Variants in CMIP observed in about 807,000 individuals in gnomAD.
CMIP encodes the protein c-Maf inducing protein, also known as C-Maf-inducing protein.
In CMIP, 13 loss-of-function variants were observed where a neutral mutation model predicts 97.3. The ratio of observed to expected loss-of-function variants is 0.13; its 90% CI spans 0.09 to 0.21. The LOEUF is 0.21. Among genes scored for constraint, CMIP ranks in the 10% least tolerant of loss-of-function variants. The pLI, the probability that CMIP is intolerant of heterozygous loss-of-function variation, is 1.00. For missense variants in CMIP, 847 were observed against 1,024.9 expected (o/e 0.83, Z 2.37); for synonymous variants, 538 against 436.3 (o/e 1.23, Z -2.91).
chr16:81,531,952 G>A (rs112970555), intron 1 of CMIP, among the ~76,000 whole-genome samples: 118 of 152,354 alleles, frequency 7.7e-4, no homozygotes, highest in African/African-American at 2.2e-3. Context: ...TAAATGAAAT[G>A]ATTGCACTGC....
At chr16:81,504,500 G>A (rs759116138) in intron 1 of CMIP, among the ~76,000 whole-genome samples, 25 of 149,820 alleles carry the variant, frequency 1.7e-4, no homozygotes, top group Non-Finnish European at 3.1e-4. Context: ...AAAATTAGCC[G>A]GGTGTAGTAG....
chr16:81,535,110 C>A (rs900256281), intron 1 of CMIP, among the ~76,000 whole-genome samples: 1 of 152,084 alleles, frequency 6.6e-6, no homozygotes, highest in African/African-American at 2.4e-5. Flanking sequence ...GCCACCATGC[C>A]CAGCTAATTT....
At chr16:81,646,037 T>C (rs1213608646) in intron 3 of CMIP, among the ~76,000 whole-genome samples, 3 of 151,466 alleles carry the variant, frequency 2.0e-5, no homozygotes, top group African/African-American at 7.3e-5. Flanking sequence ...GATGATTGGA[T>C]GGAAGGGTGA....
chr16:81,465,607 C>G (rs758620552), intron 1 of CMIP, among the ~76,000 whole-genome samples: 1 of 152,212 alleles, frequency 6.6e-6, no homozygotes, highest in Non-Finnish European at 1.5e-5. Context: ...AAGAAATGAT[C>G]GATTGAATGA....
At chr16:81,632,660 C>T (rs1055242515) in intron 3 of CMIP, among the ~76,000 whole-genome samples, 2 of 152,220 alleles carry the variant, frequency 1.3e-5, no homozygotes, top group African/African-American at 2.4e-5. Context: ...GCTGCCCAGG[C>T]CTCGCAGCCC....
At chr16:81,708,104 C>G (rs1432465411) in intron 20 of CMIP, among the ~76,000 whole-genome samples, 1 of 152,252 alleles carries the variant, frequency 6.6e-6, no homozygotes, top group Non-Finnish European at 1.5e-5. Context: ...GATAGTCCCT[C>G]CTGGCAGGCA....
chr16:81,667,799 A>AGAGAGAGAGAGAGAGAGAGGGTGTGT, intron 7 of CMIP, among the ~76,000 whole-genome samples: 1 of 58,096 alleles, frequency 1.7e-5, no homozygotes, highest in Non-Finnish European at 3.2e-5. Flanking sequence ...AGAGAGAGAG[A>AGAGAGAGAGAGAGAGAGAGGGTGTGT]GTGTGTGTGT....
chr16:81,671,889 C>A (rs1296656461), intron 8 of CMIP, 77 bp from the exon 9 acceptor site: 2 of 710,658 alleles, frequency 2.8e-6, no homozygotes, highest in Non-Finnish European at 2.4e-6. Flanking sequence ...TGAGCAACGC[C>A]CTCCCTTTCC....
intron 1 of CMIP, among the ~76,000 whole-genome samples, chr16:81,509,407 A>T (rs913164682): frequency 6.6e-6 from 1 of 152,080 alleles, no homozygotes; most frequent in African/African-American, 2.4e-5. Context: ...CATTGGTGGG[A>T]GTTTGGCTTT....
intron 1 of CMIP, among the ~76,000 whole-genome samples, chr16:81,602,981 C>T (rs947946311): frequency 6.6e-6 from 1 of 152,212 alleles, no homozygotes; most frequent in African/African-American, 2.4e-5. Flanking sequence ...GGAACAGCAG[C>T]GTTCAGAGGC....
chr16:81,634,914 A>G (rs1368092461), intron 3 of CMIP, among the ~76,000 whole-genome samples: 1 of 152,162 alleles, frequency 6.6e-6, no homozygotes, highest in Non-Finnish European at 1.5e-5. Context: ...CCCTGTTGAG[A>G]TGCTACCGTC....
chr16:81,669,757 C>G (rs1314828966), intron 7 of CMIP, among the ~76,000 whole-genome samples: 5 of 151,560 alleles, frequency 3.3e-5, no homozygotes, highest in African/African-American at 7.3e-5. Context: ...CTCTCTTCTC[C>G]TTCCACACCC....
Position 81,701,669 on chromosome 16 carries a change from T to A in CMIP, c.1765T>A (p.Leu589Met). Residue 589 changes from leucine to methionine, a missense_variant, in exon 16 of 21, where the codon TTG becomes ATG. This residue lies in a region of CMIP where 266 missense variants were observed against 384.2 expected (regional missense o/e 0.69). Coordinates refer to ENST00000537098, the MANE Select transcript of CMIP (RefSeq NM_198390.3). Reference sequence around the variant, plus strand: ...CTGCGGTTCTGGACAGATCCTGTGCTTGATGCTGGAATACAACATCATCGA... The same window carrying A: ...CTGCGGTTCTGGACAGATCCTGTGCATGATGCTGGAATACAACATCATCGA... ...GNQTMVEILC[L>M]MLEYNIIDNN... is the part of the protein sequence containing the mutation. 1 of 1,613,882 alleles carries A rather than the reference T, an allele frequency of 6.2e-7. No homozygotes were observed. Among genetic ancestry groups the A allele is most frequent in the East Asian group, 2.2e-5 (1 of 44,800 alleles).
Position 81,561,992 on chromosome 16 carries a change from C to G in CMIP, c.301-45575C>G, listed in dbSNP as rs12925699. ...TGAGAGAGAAGGCTGATAAATACCT[C>G]GGGCAGAGGACATGACAGTGGTCGG... is the stretch of plus-strand genomic sequence containing the variant. On this transcript the variant is annotated intron_variant, in intron 1 of 20. Transcript: ENST00000537098. Among the ~76,000 whole-genome samples, 623 of 151,968 alleles carry G rather than the reference C, an allele frequency of 4.1e-3. 8 individuals are homozygous for G. Among genetic ancestry groups the G allele is most frequent in the African/African-American group, 0.014 (576 of 41,442 alleles).
At chr16:81,567,131 G>A (rs942726118) in intron 1 of CMIP, among the ~76,000 whole-genome samples, 3 of 152,266 alleles carry the variant, frequency 2.0e-5, no homozygotes, top group Admixed American at 2.0e-4. Flanking sequence ...CAGCCATACA[G>A]TTTCTGTGGA....
intron 1 of CMIP, among the ~76,000 whole-genome samples, chr16:81,597,862 C>G (rs376030498): frequency 1.5e-4 from 23 of 152,102 alleles, no homozygotes; most frequent in African/African-American, 4.8e-4. Context: ...GTCTCCCCCC[C>G]AGCTTGATGG....
rs1488663831 is a variant in CMIP at position 81,614,725 on chromosome 16, A to C, written c.427-6151A>C. 2.0e-5 allele frequency among the ~76,000 whole-genome samples: 3 copies of C among 150,656 alleles called. No individual in the cohort carries two copies. The highest frequency in any genetic ancestry group is 7.3e-5 in the African/African-American group (3 of 40,870). ...GGTATGTCTGCATGTGTGTGCGTAC[A>C]CATGTGTGTCTCTGTGAGTGTGTAT... is the stretch of plus-strand genomic sequence containing the variant. On this transcript the variant is annotated intron_variant, in intron 2 of 20. Transcript: ENST00000537098. The surrounding 1 kb of genome is among the most constrained non-coding windows in gnomAD (Gnocchi z 5.3).
At chr16:81,474,240 G>C (rs1460332658) in intron 1 of CMIP, among the ~76,000 whole-genome samples, 1 of 152,072 alleles carries the variant, frequency 6.6e-6, no homozygotes, top group African/African-American at 2.4e-5. Flanking sequence ...AGGTGACTGT[G>C]GGAGTCCAGC....
At chr16:81,579,982 A>C (rs1177432005) in intron 1 of CMIP, among the ~76,000 whole-genome samples, 1 of 152,236 alleles carries the variant, frequency 6.6e-6, no homozygotes, top group African/African-American at 2.4e-5. Flanking sequence ...TAAAAAAAAA[A>C]TGATATGACA....
Sources: gnomAD v4.1 joint callset for allele counts (sites outside exome capture counted in the v4.1 genomes callset) on GRCh38, gnomAD v4.1.1 for gene constraint, gnomAD v4.1.1 regional missense constraint, Gnocchi (gnomAD v3.1) non-coding constraint, MANE v1.5 for transcripts, NCBI Gene and HGNC (gene_info 2026-07-23, HGNC 2026-07-21) for gene names.